RAB1B: variants seen among roughly 807,000 people sequenced by gnomAD.
RAB1B encodes the protein RAB1B, member RAS oncogene family.
RAB1B carries 10 observed loss-of-function variants against 24.8 expected under a neutral mutation model. The observed-to-expected ratio is 0.40, with a 90% CI of 0.25 to 0.68. The LOEUF is 0.68. Among genes scored for constraint, RAB1B ranks in the 30% least tolerant of loss-of-function variants. RAB1B has a pLI of 0.37. For missense variants in RAB1B, 154 were observed against 271.2 expected, an observed-to-expected ratio of 0.57 and a Z score of 3.04; for synonymous variants, 99 against 111.7, an observed-to-expected ratio of 0.89 and a Z score of 0.72.
intron 4 of RAB1B, among the ~76,000 whole-genome samples, chr11:66,274,248 G>A (rs1857106301): frequency 6.6e-6 from 1 of 152,122 alleles, no homozygotes; most frequent in Non-Finnish European, 1.5e-5. Flanking sequence ...TCATCTTTCT[G>A]AAATCTGTCC....
intron 1 of RAB1B, 131 bp downstream of exon 1, chr11:66,268,824 C>CA (rs996405768): frequency 4.3e-6 from 4 of 933,096 alleles, no homozygotes; most frequent in African/African-American, 1.8e-5. Flanking sequence ...TTCCGCTGAC[C>CA]CCCCCCCACA....
In RAB1B at chr11:66,276,029, C is replaced by A. The variant is rs1428750305; in HGVS notation, c.412-15C>A. On this transcript the variant is annotated splice_polypyrimidine_tract_variant and intron_variant, in intron 5 of 5. Transcript: ENST00000311481. ...CCTCTTCTCTCCCCTCCTCTTCTCT[C>A]CTCTCCCTTGTCAGGAGTTTGCAGA... is the stretch of plus-strand genomic sequence containing the variant. 1.2e-6 allele frequency: 2 copies of A among 1,609,746 alleles called. No homozygotes were observed. The highest frequency in any genetic ancestry group is 1.7e-6 in the Non-Finnish European group (2 of 1,177,816).
Position 66,276,041 on chromosome 11 carries a change from C to T in RAB1B, c.412-3C>T. ...CCTCCTCTTCTCTCCTCTCCCTTGT[C>T]AGGAGTTTGCAGACTCTCTGGGCAT... On this transcript the variant is annotated splice_polypyrimidine_tract_variant and splice_region_variant and intron_variant, in intron 5 of 5. Coordinates refer to ENST00000311481, the MANE Select transcript of RAB1B (RefSeq NM_030981.3). 1 of 1,612,308 alleles carries T rather than the reference C, an allele frequency of 6.2e-7. No individual in the cohort carries two copies. The highest frequency in any genetic ancestry group is 1.1e-5 in the South Asian group (1 of 90,608).
intron 4 of RAB1B, among the ~76,000 whole-genome samples, chr11:66,273,599 T>C (rs958799095): frequency 6.6e-6 from 1 of 152,214 alleles, no homozygotes; most frequent in Non-Finnish European, 1.5e-5. Flanking sequence ...CTCCTTACTC[T>C]TGTGCATGGC....
At chr11:66,269,349 C>G (rs1857012930) in intron 1 of RAB1B, among the ~76,000 whole-genome samples, 2 of 152,178 alleles carry the variant, frequency 1.3e-5, no homozygotes, top group Non-Finnish European at 2.9e-5. Flanking sequence ...CACACCCCTT[C>G]CCTTGGCTGT....
chr11:66,276,326 T>G lies in RAB1B; in HGVS notation c.*88T>G. On this transcript the variant is annotated 3_prime_UTR_variant, in exon 6 of 6. Coordinates refer to ENST00000311481, the MANE Select transcript of RAB1B (RefSeq NM_030981.3). Reference sequence around the variant, plus strand: ...AGGAGGTACCTCCCTCTCCCTCTCCTGGGGCATTTGAGTCTGTGGCTTTGG... The same window carrying G: ...AGGAGGTACCTCCCTCTCCCTCTCCGGGGGCATTTGAGTCTGTGGCTTTGG... 1 of 1,280,344 alleles carries G rather than the reference T, an allele frequency of 7.8e-7. No individual in the cohort carries two copies. Among genetic ancestry groups the G allele is most frequent in the Non-Finnish European group, 1.0e-6 (1 of 954,362 alleles). 79.3% of individuals were successfully genotyped at this position (1,280,344 alleles called of 1,614,324 possible).
At chr11:66,270,072 G>A (rs901976173) in intron 1 of RAB1B, 2 of 151,988 alleles carry the variant, frequency 1.3e-5, no homozygotes, top group Non-Finnish European at 2.9e-5. Context: ...ACAGGGTCTC[G>A]ATATGTTTCC....
In RAB1B at chr11:66,276,063, G is replaced by A; in HGVS notation, c.431G>A (p.Gly144Asp). 6.2e-7 allele frequency: 1 copy of A among 1,613,332 alleles called. No homozygotes were observed. Among genetic ancestry groups the A allele is most frequent in the Admixed American group, 1.7e-5 (1 of 59,866 alleles). The change falls in exon 6 of 6, where the codon GGC (glycine) becomes GAC (aspartate). Residue 144 changes from glycine to aspartate, a missense_variant. Coordinates refer to ENST00000311481, the MANE Select transcript of RAB1B (RefSeq NM_030981.3). ...TGTCAGGAGTTTGCAGACTCTCTGG[G>A]CATCCCCTTCTTGGAGACGAGCGCC... ...TTAKEFADSL[G>D]IPFLETSAKN...
intron 4 of RAB1B, among the ~76,000 whole-genome samples, chr11:66,274,532 G>T (rs1857110798): frequency 6.6e-6 from 1 of 152,138 alleles, no homozygotes; most frequent in Non-Finnish European, 1.5e-5. Context: ...AGTTATTCCA[G>T]CCATTCCCAG....
intron 4 of RAB1B, 144 bp from the exon 5 acceptor site, chr11:66,275,660 G>A (rs1173781118): frequency 2.3e-6 from 2 of 876,764 alleles, no homozygotes; most frequent in Non-Finnish European, 3.4e-6. Flanking sequence ...TGGAGCAGAG[G>A]GCTTCCTCTG....
At chr11:66,271,770 T>C in intron 1 of RAB1B, 27 bp from the exon 2 acceptor site, 1 of 1,592,656 alleles carries the variant, frequency 6.3e-7, no homozygotes. Context: ...CTGCCTCCCT[T>C]CACGCCTTCC....
chr11:66,275,964 C>A, intron 5 of RAB1B, 29 bp downstream of exon 5: 1 of 1,609,292 alleles, frequency 6.2e-7, no homozygotes, highest in South Asian at 1.1e-5. Flanking sequence ...TGCCCGGGGT[C>A]GGGGCGCTGG....
At chr11:66,269,532 C>G (rs964763553) in intron 1 of RAB1B, among the ~76,000 whole-genome samples, 1 of 152,256 alleles carries the variant, frequency 6.6e-6, no homozygotes, top group Non-Finnish European at 1.5e-5. Flanking sequence ...TCTTCCTTTT[C>G]TGCCACTTCC....
At chr11:66,273,902 T>G (rs1857100584) in intron 4 of RAB1B, among the ~76,000 whole-genome samples, 1 of 152,154 alleles carries the variant, frequency 6.6e-6, no homozygotes, top group South Asian at 2.1e-4. Flanking sequence ...TCAAGCAGCC[T>G]CTGCAGAACT....
Position 66,276,540 on chromosome 11 carries a change from C to T in RAB1B, c.*302C>T. 2.7e-6 allele frequency: 1 copy of T among 365,404 alleles called. No homozygotes were observed. The highest frequency in any genetic ancestry group is 4.8e-5 in the South Asian group (1 of 20,892). 22.6% of individuals were successfully genotyped at this position (365,404 alleles called of 1,614,324 possible). A position where few individuals can be genotyped will look rare whatever the true frequency, so the allele number is the denominator to read the frequency against. On this transcript the variant is annotated 3_prime_UTR_variant, in exon 6 of 6. Transcript: ENST00000311481. ...ACCTTTCTTTGGAACGAGGGCTCTT[C>T]TGTCGGTGTCCCTCCCACCCCCATG...
chr11:66,269,040 C>T (rs893096375), intron 1 of RAB1B, among the ~76,000 whole-genome samples: 1 of 152,068 alleles, frequency 6.6e-6, no homozygotes, highest in Non-Finnish European at 1.5e-5. Flanking sequence ...ACAACTGTCC[C>T]GGAGTTTTGG....
chr11:66,275,477 T>C (rs1857126639), intron 4 of RAB1B, among the ~76,000 whole-genome samples: 1 of 151,450 alleles, frequency 6.6e-6, no homozygotes. Flanking sequence ...CCGCTCTCTC[T>C]TTGCTTCTCA....
In RAB1B at chr11:66,276,252, A is replaced by T. The variant is rs751769842; in HGVS notation, c.*14A>T. On this transcript the variant is annotated 3_prime_UTR_variant, in exon 6 of 6. Transcript: ENST00000311481. ...GGCTGTTGCTAGGAGGGGCACATGG[A>T]GTGGGACAGGAGGGGGCACCTTCTC... 6.4e-6 allele frequency: 10 copies of T among 1,571,206 alleles called. No individual in the cohort carries two copies. Among genetic ancestry groups the T allele is most frequent in the Non-Finnish European group, 7.7e-6 (9 of 1,163,342 alleles).
intron 4 of RAB1B, among the ~76,000 whole-genome samples, chr11:66,274,819 A>G (rs778130972): frequency 4.8e-4 from 59 of 122,296 alleles, no homozygotes; most frequent in Middle Eastern, 4.9e-3. Flanking sequence ...GCAACATTCC[A>G]TTTCCTCCCA....
Sources: gnomAD v4.1 joint callset for allele counts (sites outside exome capture counted in the v4.1 genomes callset) on GRCh38, gnomAD v4.1.1 for gene constraint, MANE v1.5 for transcripts, NCBI Gene and HGNC (gene_info 2026-07-23, HGNC 2026-07-21) for gene names.